The following SMARCC2 variants were observed in gnomAD, a reference collection of about 807,000 sequenced individuals.
SMARCC2 encodes the protein SWI/SNF related BAF chromatin remodeling complex subunit C2.
SMARCC2 carries 15 observed loss-of-function variants against 151.3 expected under a neutral mutation model. The observed-to-expected ratio is 0.10, with a 90% CI of 0.07 to 0.15. The LOEUF (loss-of-function observed/expected upper bound fraction) is 0.15. SMARCC2 is among the 10% of genes least tolerant of loss of function. The pLI is 1.00. For missense variants in SMARCC2, 1,031 were observed against 1,599.7 expected (o/e 0.64, Z 6.06); for synonymous variants, 590 against 609.5 (o/e 0.97, Z 0.47).
rs775941572 is a variant in SMARCC2, at chr12:56,181,882, A to C, written c.709-47T>G. ...TGCTGCAGAGAAGCCTGGAAGCCACAGCTCTGTCTGGGGACCCTTAACAGA... is the reference window on the plus strand; with the variant it reads ...TGCTGCAGAGAAGCCTGGAAGCCACCGCTCTGTCTGGGGACCCTTAACAGA... On this transcript the variant is annotated intron_variant, in intron 8 of 28. Coordinates refer to ENST00000550164, the MANE Select transcript of SMARCC2 (RefSeq NM_001330288.2). 5.6e-6 allele frequency: 9 copies of C among 1,613,408 alleles called. No homozygotes were observed. In the East Asian group the frequency reaches 2.0e-4, roughly 36 times the overall value.
Position 56,178,820 on chromosome 12 carries a change from G to A in SMARCC2, c.1169C>T (p.Thr390Met), listed in dbSNP as rs1256071944. 18 of 1,613,840 alleles carry A rather than the reference G, an allele frequency of 1.1e-5. No homozygotes were observed. The highest frequency in any genetic ancestry group is 2.2e-5 in the South Asian group (2 of 91,086). The change falls in exon 13 of 29, where the codon ACG (threonine) becomes ATG (methionine). Residue 390 changes from threonine to methionine, a missense_variant. By Grantham distance (81) the Thr-to-Met change is moderately conservative. Around this residue, in one of 12 missense-constraint regions of SMARCC2, gnomAD observed 127 missense variants for 141.7 expected, o/e 0.90. Coordinates refer to ENST00000550164, the MANE Select transcript of SMARCC2 (RefSeq NM_001330288.2). Reference sequence around the variant, plus strand: ...CTAAACTGGCTCCACCTTGCCCGTCGTCTCCATGCTTTCATCTTCCTGTTC... The same window carrying A: ...CTAAACTGGCTCCACCTTGCCCGTCATCTCCATGCTTTCATCTTCCTGTTC... ...LDEQEDESME[T>M]TGKDEDENST...
At chr12:56,169,449 G>A (rs1873479237) in intron 25 of SMARCC2, 80 bp downstream of exon 25, 1 of 1,493,860 alleles carries the variant, frequency 6.7e-7, no homozygotes, top group Non-Finnish European at 9.1e-7. Flanking sequence ...AGGTGTGAGT[G>A]AGGAAAGATT....
chr12:56,163,825 G>T, intron 28 of SMARCC2, 60 bp from the exon 29 acceptor site: 1 of 1,112,878 alleles, frequency 9.0e-7, no homozygotes, highest in Admixed American at 3.5e-5. Context: ...TCCAGACCCA[G>T]ACCACCACAG....
intron 5 of SMARCC2, 178 bp from the exon 6 acceptor site, chr12:56,184,422 G>A: frequency 1.7e-6 from 1 of 584,724 alleles, no homozygotes; most frequent in South Asian, 2.3e-5. Context: ...TGCTAATAAT[G>A]GAGAAAAGTC....
At chr12:56,176,481 C>G (rs1565908942) in intron 15 of SMARCC2, among the ~76,000 whole-genome samples, 2 of 148,058 alleles carry the variant, frequency 1.4e-5, no homozygotes, top group Non-Finnish European at 3.0e-5. Context: ...GAGGCAAAAT[C>G]TTTTTTTTTT....
intron 20 of SMARCC2, 165 bp downstream of exon 20, chr12:56,172,263 G>T: frequency 3.3e-6 from 2 of 600,252 alleles, no homozygotes; most frequent in South Asian, 2.6e-5. Flanking sequence ...AAAATTTTTC[G>T]TAGAGACGGA....
chr12:56,170,129 G>A lies in SMARCC2; in HGVS notation c.2412+15C>T, dbSNP rs773099849. The stretch of plus-strand genomic sequence containing the variant: ...CTGCACGCAGCCCCTGCAGCTTCCA[G>A]AAATCCCTCTATACCTTGGGCTCCT... On this transcript the variant is annotated intron_variant, in intron 23 of 28. Coordinates refer to ENST00000550164, the MANE Select transcript of SMARCC2 (RefSeq NM_001330288.2). The A allele has an allele frequency of 6.2e-7, 1 of 1,610,568 alleles. No individual in the cohort carries two copies. The highest frequency in any genetic ancestry group is 1.1e-5 in the South Asian group (1 of 90,982).
At position 56,186,278 on chromosome 12, in the gene SMARCC2, C is replaced by A. The variant is rs755950860; in HGVS notation, c.232-38G>T. 1.3e-5 allele frequency: 17 copies of A among 1,283,188 alleles called. No individual in the cohort carries two copies. The African/African-American group carries it at 2.5e-4, about 19-fold the overall frequency. The allele number at this position is 1,283,188 out of a possible 1,614,324, so 79.5% of individuals were successfully genotyped here. A position where few individuals can be genotyped will look rare whatever the true frequency, so the allele number is the denominator to read the frequency against. On this transcript the variant is annotated intron_variant, in intron 2 of 28. Transcript: ENST00000550164. ...GATACGGAAAAAGCATGTCAAGGTT[C>A]CACTGTAAATTCTCTCATCACTTAA...
chr12:56,184,917 G>C lies in SMARCC2; in HGVS notation c.419C>G (p.Pro140Arg). 6.2e-7 allele frequency: 1 copy of C among 1,612,882 alleles called. No individual in the cohort carries two copies. The highest frequency in any genetic ancestry group is 8.5e-7 in the Non-Finnish European group (1 of 1,178,916). Residue 140 changes from proline (P) to arginine (R), a missense_variant, in exon 5 of 29, where the codon CCT becomes CGT. Pro to Arg is a moderately radical substitution (Grantham distance 103). This residue lies in a region of SMARCC2 where 123 missense variants were observed against 190.4 expected (regional missense o/e 0.65). Transcript: ENST00000550164. ...SLVQNNCLSR[P>R]NIFLCPEIEP... ...AATTTCTGGGCACAGAAAAATGTTA[G>C]GTCGAGACAGGCAATTATTCTGTGG...
At chr12:56,172,031 G>T in intron 20 of SMARCC2, 94 bp from the exon 21 acceptor site, 2 of 1,120,906 alleles carry the variant, frequency 1.8e-6, no homozygotes, top group Non-Finnish European at 2.6e-6. Context: ...TGGTTTCAAA[G>T]TTCTCTATGT....
intron 16 of SMARCC2, 56 bp downstream of exon 16, chr12:56,174,595 C>G: frequency 8.7e-7 from 1 of 1,149,806 alleles, no homozygotes; most frequent in Non-Finnish European, 1.3e-6. Flanking sequence ...GTTGCCAAAA[C>G]ACATCCATAG....
intron 9 of SMARCC2, 36 bp from the exon 10 acceptor site, chr12:56,181,633 C>T (rs1182012777): frequency 6.2e-7 from 1 of 1,610,824 alleles, no homozygotes; most frequent in East Asian, 2.2e-5. Flanking sequence ...TGTCAGCCTA[C>T]AATCCCCACT....
In SMARCC2 at chr12:56,171,590, C is replaced by T. The variant is rs1396416924; in HGVS notation, c.2185+89G>A. 8 of 1,498,776 alleles carry T rather than the reference C, an allele frequency of 5.3e-6. No homozygotes were observed. The highest frequency in any genetic ancestry group is 7.2e-6 in the Non-Finnish European group (8 of 1,114,170). The allele number at this position is 1,498,776 out of a possible 1,614,324, so 92.8% of individuals were successfully genotyped here. ...GCCCGCACAGACAAGGCCAGCAGGG[C>T]AGCCAAACTTGAGAGGATTCACAGT... On this transcript the variant is annotated intron_variant, in intron 21 of 28. Transcript: ENST00000550164. The surrounding 1 kb of genome is among the most constrained non-coding windows in gnomAD (Gnocchi z 4.2).
chr12:56,167,143 G>C (rs1458655942), intron 26 of SMARCC2, among the ~76,000 whole-genome samples: 1 of 150,960 alleles, frequency 6.6e-6, no homozygotes, highest in Non-Finnish European at 1.5e-5. Flanking sequence ...CCTGAGATCG[G>C]GAGTTCGAGA....
At chr12:56,178,952 C>T (rs764003430) in intron 12 of SMARCC2, 45 bp downstream of exon 12, 3 of 1,608,828 alleles carry the variant, frequency 1.9e-6, no homozygotes, top group Admixed American at 1.7e-5. Flanking sequence ...GAGCCCTCCC[C>T]TTCCCTTGGC....
chr12:56,170,176 C>G lies in SMARCC2; in HGVS notation c.2380G>C (p.Gly794Arg). 1 of 1,614,030 alleles carries G rather than the reference C, an allele frequency of 6.2e-7. No individual in the cohort carries two copies. Among genetic ancestry groups the G allele is most frequent in the Non-Finnish European group, 8.5e-7 (1 of 1,179,904 alleles). Reference protein sequence around the residue: ...ESGNDEARVEGQATDEKKEPK... With the variant: ...ESGNDEARVERQATDEKKEPK... ...TCCTTCTTCTCATCTGTGGCCTGGC[C>G]TTCCACCCGAGCCTCGTCATTCCCG... Residue 794 changes from glycine (G) to arginine (R), a missense_variant, in exon 23 of 29, where the codon GGC becomes CGC. By Grantham distance (125) the Gly-to-Arg change is moderately radical. Coordinates refer to ENST00000550164, the MANE Select transcript of SMARCC2 (RefSeq NM_001330288.2).
intron 15 of SMARCC2, 121 bp from the exon 16 acceptor site, chr12:56,174,885 A>G (rs945873192): frequency 3.0e-6 from 2 of 664,646 alleles, no homozygotes; most frequent in Non-Finnish European, 5.4e-6. Flanking sequence ...AAAAAAGTAG[A>G]TTATTTGACT....
In SMARCC2 at chr12:56,187,205, T is replaced by G. The variant is rs1592329418; in HGVS notation, c.213A>C (p.Ala71=). 1.4e-5 allele frequency: 23 copies of G among 1,613,878 alleles called. No individual in the cohort carries two copies. Among genetic ancestry groups the G allele is most frequent in the East Asian group, 1.1e-4 (5 of 44,902 alleles). The change falls in exon 2 of 29, where the codon GCA becomes GCC. Residue 71 remains alanine (A), a synonymous_variant. Transcript: ENST00000550164. ...EEVFGKHVSN[A]PLTKLPIKCF... is the part of the protein sequence containing the mutation. ...CACTCACCGGCAGTTTAGTGAGCGGTGCATTGCTGACATGTTTGCCAAAAA... is the reference window on the plus strand; with the variant it reads ...CACTCACCGGCAGTTTAGTGAGCGGGGCATTGCTGACATGTTTGCCAAAAA...
intron 22 of SMARCC2, among the ~76,000 whole-genome samples, chr12:56,170,978 AC>A (rs1449004858): frequency 6.6e-6 from 1 of 151,042 alleles, no homozygotes; most frequent in Non-Finnish European, 1.5e-5. Context: ...TGATCCACCC[AC>A]CTCGGCCTCC....
Sources: gnomAD v4.1 joint callset for allele counts (sites outside exome capture counted in the v4.1 genomes callset) on GRCh38, gnomAD v4.1.1 for gene constraint, gnomAD v4.1.1 regional missense constraint, Gnocchi (gnomAD v3.1) non-coding constraint, MANE v1.5 for transcripts, NCBI Gene and HGNC (gene_info 2026-07-23, HGNC 2026-07-21) for gene names.